The following MINDY4 variants were observed in gnomAD, a reference collection of about 807,000 sequenced individuals.
The protein encoded by MINDY4 is MINDY lysine 48 deubiquitinase 4, also known as probable ubiquitin carboxyl-terminal hydrolase MINDY-4.
Under a neutral mutation model 87.0 loss-of-function variants are expected in MINDY4, and 68 were observed. That is an observed-to-expected ratio of 0.78 (90% CI 0.64 to 0.96). The LOEUF (loss-of-function observed/expected upper bound fraction) is 0.96. Ranked by LOEUF, MINDY4 falls within the 40% of genes least tolerant of loss-of-function variation. MINDY4 has a pLI of 0.00. For synonymous variants in MINDY4, 379 were observed against 363.2 expected (o/e 1.04, Z -0.50); for missense variants, 919 against 928.2 (o/e 0.99, Z 0.13).
At chr7:30,808,164 C>T (rs186112113) in intron 5 of MINDY4, among the ~76,000 whole-genome samples, 25 of 152,290 alleles carry the variant, frequency 1.6e-4, no homozygotes, top group African/African-American at 4.6e-4. Context: ...CAGAGCAGTG[C>T]GTGGCAGGCC....
chr7:30,827,903 T>C (rs1272028009), intron 5 of MINDY4, among the ~76,000 whole-genome samples: 1 of 152,242 alleles, frequency 6.6e-6, no homozygotes, highest in African/African-American at 2.4e-5. Flanking sequence ...TCAAAAGAGC[T>C]GTCACTTTTT....
rs555815063 is a variant in MINDY4 at position 30,840,603 on chromosome 7, G to C, written c.1357-157G>C. On this transcript the variant is annotated intron_variant, in intron 8 of 17. Coordinates refer to ENST00000265299, the MANE Select transcript of MINDY4 (RefSeq NM_032222.3). Reference sequence around the variant, plus strand: ...ACTCCCTCTCTGTGGCCCAAGGTTAGTGTGTTGTAGAAGCAGTTGCCACAT... The same window carrying C: ...ACTCCCTCTCTGTGGCCCAAGGTTACTGTGTTGTAGAAGCAGTTGCCACAT... Among the ~76,000 whole-genome samples the C allele has an allele frequency of 5.3e-5, 8 of 152,344 alleles. No individual in the cohort carries two copies. In the East Asian group the frequency reaches 5.8e-4, roughly 11 times the overall value.
At chr7:30,828,998 T>C (rs1788609715) in intron 6 of MINDY4, among the ~76,000 whole-genome samples, 1 of 152,032 alleles carries the variant, frequency 6.6e-6, no homozygotes, top group Non-Finnish European at 1.5e-5. Flanking sequence ...CTTTCTGCTT[T>C]TGGTATTTTT....
chr7:30,882,128 C>A, intron 15 of MINDY4, 53 bp from the exon 16 acceptor site: 1 of 1,528,212 alleles, frequency 6.5e-7, no homozygotes, highest in South Asian at 1.2e-5. Context: ...GAAAAATGCC[C>A]GGACCCCTTT....
chr7:30,778,280 A>T, intron 1 of MINDY4, 152 bp from the exon 2 acceptor site: 1 of 1,030,502 alleles, frequency 9.7e-7, no homozygotes, highest in South Asian at 1.7e-5. Context: ...TGTAAGAATC[A>T]GAATAATATT....
chr7:30,816,003 T>G (rs11984347), intron 5 of MINDY4, among the ~76,000 whole-genome samples: 28,380 of 151,812 alleles, frequency 0.19, 3,394 homozygotes, highest in African/African-American at 0.33. Context: ...TCTGCCTACT[T>G]ACCAGGGGCC....
At position 30,853,414 on chromosome 7, in the gene MINDY4, C is replaced by A. The variant is rs1241293880; in HGVS notation, c.1632C>A (p.Thr544=). ...VLETLTLHSL[T]CYEDLVTFLQ... is the part of the protein sequence containing the mutation. ...CTCAGCTTACGCTTCACAGTTTGAC[C>A]TGCTATGAGGACCTGGTGACTTTTC... The change falls in exon 12 of 18, where the codon ACC becomes ACA. Residue 544 remains threonine (T), a synonymous_variant. Coordinates refer to ENST00000265299, the MANE Select transcript of MINDY4 (RefSeq NM_032222.3). 6.2e-7 allele frequency: 1 copy of A among 1,613,786 alleles called. No individual in the cohort carries two copies.
At chr7:30,828,131 C>G in intron 5 of MINDY4, among the ~76,000 whole-genome samples, 1 of 152,116 alleles carries the variant, frequency 6.6e-6, no homozygotes, top group East Asian at 1.9e-4. Context: ...AAATCAGAAT[C>G]ACAGGGCAAT....
At chr7:30,804,841 G>T (rs917251748) in intron 5 of MINDY4, among the ~76,000 whole-genome samples, 2 of 152,144 alleles carry the variant, frequency 1.3e-5, no homozygotes, top group African/African-American at 4.8e-5. Flanking sequence ...ACTGTTGAGA[G>T]CTGGCATTAG....
chr7:30,854,829 A>G (rs533925075), intron 12 of MINDY4, among the ~76,000 whole-genome samples: 95 of 152,320 alleles, frequency 6.2e-4, no homozygotes, highest in South Asian at 4.4e-3. Context: ...TAGGAACAAA[A>G]GGAGGCAGGT....
At chr7:30,800,107 C>T (rs1025178923) in intron 5 of MINDY4, among the ~76,000 whole-genome samples, 1 of 152,220 alleles carries the variant, frequency 6.6e-6, no homozygotes, top group African/African-American at 2.4e-5. Context: ...CTGACATTGA[C>T]AGCAGCTGGG....
At chr7:30,866,228 A>G (rs373341052) in intron 13 of MINDY4, among the ~76,000 whole-genome samples, 3 of 152,178 alleles carry the variant, frequency 2.0e-5, no homozygotes, top group African/African-American at 4.8e-5. Context: ...TCCTGCCCCT[A>G]TCCACTCACC....
In MINDY4 at chr7:30,875,621, T is replaced by C; in HGVS notation, c.1936T>C (p.Phe646Leu). The change falls in exon 15 of 18, where the codon TTC becomes CTC. Residue 646 changes from phenylalanine to leucine, a missense_variant. Coordinates refer to ENST00000265299, the MANE Select transcript of MINDY4 (RefSeq NM_032222.3). ...RGIAARSDIG[F>L]LSLFEHYNMC... Reference sequence around the variant, plus strand: ...CATTGCTGCACGCAGTGATATTGGCTTCTTATCTCTCTTTGAGCATTACAA... The same window carrying C: ...CATTGCTGCACGCAGTGATATTGGCCTCTTATCTCTCTTTGAGCATTACAA... The C allele has an allele frequency of 6.2e-7, 1 of 1,613,822 alleles. No individual in the cohort carries two copies. The highest frequency in any genetic ancestry group is 8.5e-7 in the Non-Finnish European group (1 of 1,179,820).
At chr7:30,780,610 G>A (rs764769743) in intron 2 of MINDY4, 1 of 152,106 alleles carries the variant, frequency 6.6e-6, no homozygotes, top group Admixed American at 6.5e-5. Flanking sequence ...CACAAAGCTC[G>A]CCTGATTCCA....
chr7:30,827,078 C>T (rs896461169), intron 5 of MINDY4, among the ~76,000 whole-genome samples: 1 of 151,946 alleles, frequency 6.6e-6, no homozygotes, highest in East Asian at 1.9e-4. Flanking sequence ...CAGTTCGGAG[C>T]CTATTAAAAT....
chr7:30,882,508 C>G, intron 16 of MINDY4, 147 bp downstream of exon 16: 1 of 777,282 alleles, frequency 1.3e-6, no homozygotes, highest in South Asian at 2.0e-5. Flanking sequence ...ATCAGAGAGC[C>G]AATGCCAGCA....
At position 30,791,573 on chromosome 7, in the gene MINDY4, A is replaced by T. The variant is rs1241322924; in HGVS notation, c.1072A>T (p.Arg358Trp). 3.7e-6 allele frequency: 6 copies of T among 1,608,222 alleles called. No individual in the cohort carries two copies. Among genetic ancestry groups the T allele is most frequent in the Non-Finnish European group, 5.1e-6 (6 of 1,177,026 alleles). ...KRQGSQPAPV[R>W]KNQLLPSDKV... ...GCAGGGCAGCCAGCCCGCACCTGTC[A>T]GGTGAGTGTGCTATGCAAAGGTGAC... Residue 358 changes from arginine (R) to tryptophan (W), a missense_variant and splice_region_variant, in exon 5 of 18, where the codon AGG becomes TGG. Coordinates refer to ENST00000265299, the MANE Select transcript of MINDY4 (RefSeq NM_032222.3).
intron 17 of MINDY4, among the ~76,000 whole-genome samples, chr7:30,887,983 T>C (rs2128583491): frequency 6.6e-6 from 1 of 152,250 alleles, no homozygotes; most frequent in East Asian, 1.9e-4. Context: ...TGTCTGGAGA[T>C]TTAAAGCATA....
intron 2 of MINDY4, chr7:30,781,647 A>G (rs1325907071): frequency 4.1e-6 from 1 of 242,888 alleles, no homozygotes; most frequent in African/African-American, 2.3e-5. Flanking sequence ...TATATTTTAT[A>G]AAGTTATTCC....
Sources: gnomAD v4.1 joint callset for allele counts (sites outside exome capture counted in the v4.1 genomes callset) on GRCh38, gnomAD v4.1.1 for gene constraint, MANE v1.5 for transcripts, NCBI Gene and HGNC (gene_info 2026-07-23, HGNC 2026-07-21) for gene names.